Variants in WDFY4 observed in about 807,000 individuals in gnomAD.
WDFY4 encodes the protein WDFY family member 4, also known as WD repeat- and FYVE domain-containing protein 4.
A neutral mutation model predicts 351.9 loss-of-function variants in WDFY4; 169 were observed. The ratio of observed to expected loss-of-function variants is 0.48; its 90% CI spans 0.42 to 0.55. The LOEUF is 0.55. WDFY4 is among the 20% of genes least tolerant of loss of function. WDFY4 has a pLI of 0.00. For missense variants in WDFY4, 3,803 were observed against 3,935.6 expected (o/e 0.97, Z 0.90); for synonymous variants, 1,622 against 1,574.6 (o/e 1.03, Z -0.71).
chr10:48,715,547 C>G (rs2063879907), intron 2 of WDFY4, among the ~76,000 whole-genome samples: 6 of 152,190 alleles, frequency 3.9e-5, no homozygotes, highest in Admixed American at 3.9e-4. Context: ...CTTGTAAAAA[C>G]CAAGTGTGGA....
intron 39 of WDFY4, 37 bp downstream of exon 39, chr10:48,832,746 G>C: frequency 6.7e-7 from 1 of 1,491,252 alleles, no homozygotes; most frequent in Non-Finnish European, 9.0e-7. Flanking sequence ...AAAGTATCAG[G>C]CATTTGCTTC....
Position 48,896,589 on chromosome 10 carries a change from C to T in WDFY4, c.7317-865C>T, listed in dbSNP as rs552036045. Among the ~76,000 whole-genome samples, 28 of 151,988 alleles carry T rather than the reference C, an allele frequency of 1.8e-4. 1 individual carries two copies. The South Asian group carries it at 4.8e-3, about 26-fold the overall frequency. The stretch of plus-strand genomic sequence containing the variant: ...GCTGGGCAGCCTCTCAGGATGCAGG[C>T]GCTGTGCAGATGAGCTCTAGGTGCT... On this transcript the variant is annotated intron_variant, in intron 44 of 61. Coordinates refer to ENST00000325239, the MANE Select transcript of WDFY4 (RefSeq NM_001394531.1).
At chr10:48,759,190 T>TA (rs1482368903) in intron 12 of WDFY4, among the ~76,000 whole-genome samples, 1 of 152,182 alleles carries the variant, frequency 6.6e-6, no homozygotes, top group Non-Finnish European at 1.5e-5. Context: ...CTTCATGCAG[T>TA]AACTGGTTGT....
At position 48,966,636 on chromosome 10, in the gene WDFY4, C is replaced by G. The variant is rs993401916; in HGVS notation, c.8547C>G (p.Ser2849Arg). 4 of 1,551,724 alleles carry G rather than the reference C, an allele frequency of 2.6e-6. No homozygotes were observed. The African/African-American group carries it at 5.5e-5, about 21-fold the overall frequency. The change falls in exon 55 of 62, where the codon AGC becomes AGG. Residue 2849 changes from serine to arginine, a missense_variant. Coordinates refer to ENST00000325239, the MANE Select transcript of WDFY4 (RefSeq NM_001394531.1). The part of the protein sequence containing the change: ...LPGHPQPFFY[S>R]LQSLRPSQVT... Reference sequence around the variant, plus strand: ...GCCACCCACAGCCCTTTTTCTACAGCCTGCAGTCGCTGAGGCCCTCCCAGG... The same window carrying G: ...GCCACCCACAGCCCTTTTTCTACAGGCTGCAGTCGCTGAGGCCCTCCCAGG...
rs574381264 is a variant in WDFY4, at chr10:48,817,898, G to A, written c.5505+489G>A. Among the ~76,000 whole-genome samples, 74 of 152,358 alleles carry A rather than the reference G, an allele frequency of 4.9e-4. 1 individual carries two copies. The highest frequency in any genetic ancestry group is 1.7e-3 in the African/African-American group (71 of 41,584). On this transcript the variant is annotated intron_variant, in intron 32 of 61. Coordinates refer to ENST00000325239, the MANE Select transcript of WDFY4 (RefSeq NM_001394531.1). ...CCAGCTTAGAGCCAGACAAGCCAAG[G>A]GGAGGGCAGAGCCTGATTTAAGGAT...
rs146766751 is a variant in WDFY4, at chr10:48,785,408, T to C, written c.3577-1231T>C. Among the ~76,000 whole-genome samples the C allele has an allele frequency of 3.2e-3, 493 of 152,326 alleles. 2 individuals are homozygous for C. The highest frequency in any genetic ancestry group is 0.014 in the Middle Eastern group (4 of 294). ...ATGCTTTTGGTGTCGTTTGAGAATATTTTGCCTAGTCCTAGATCCTGAAGA... is the reference window on the plus strand; with the variant it reads ...ATGCTTTTGGTGTCGTTTGAGAATACTTTGCCTAGTCCTAGATCCTGAAGA... On this transcript the variant is annotated intron_variant, in intron 19 of 61. Coordinates refer to ENST00000325239, the MANE Select transcript of WDFY4 (RefSeq NM_001394531.1).
At position 48,835,390 on chromosome 10, in the gene WDFY4, G is replaced by A. The variant is rs192618047; in HGVS notation, c.6663+2681G>A. On this transcript the variant is annotated intron_variant, in intron 39 of 61. Transcript: ENST00000325239. ...AAGAACATGAGCTTTGAGATGCTCT[G>A]GGAAAGAGGATCAGGCAGAGAGGAC... 1.6e-4 allele frequency among the ~76,000 whole-genome samples: 25 copies of A among 152,254 alleles called. No individual in the cohort carries two copies. In the East Asian group the frequency reaches 3.7e-3, roughly 22 times the overall value.
intron 13 of WDFY4, among the ~76,000 whole-genome samples, chr10:48,767,319 C>A (rs751321854): frequency 1.4e-4 from 21 of 152,332 alleles, no homozygotes; most frequent in Middle Eastern, 3.4e-3. Flanking sequence ...ACATCAGAGG[C>A]TGGCTCCCCA....
Position 48,743,434 on chromosome 10 carries a change from G to T in WDFY4, c.2345G>T (p.Gly782Val). ...GCCAGCGGCACCCTCCACTTGCGTGGGGACCTGAAGGAGTCCCTGAGGACC... is the reference window on the plus strand; with the variant it reads ...GCCAGCGGCACCCTCCACTTGCGTGTGGACCTGAAGGAGTCCCTGAGGACC... ...SMASGTLHLR[G>V]DLKESLRTKQ... The change falls in exon 12 of 62, where the codon GGG becomes GTG. Residue 782 changes from glycine to valine, a missense_variant. Physicochemically the swap from Gly to Val is moderately radical, Grantham distance 109. Transcript: ENST00000325239. 6.4e-7 allele frequency: 1 copy of T among 1,551,064 alleles called. No individual in the cohort carries two copies. The highest frequency in any genetic ancestry group is 8.7e-7 in the Non-Finnish European group (1 of 1,146,986).
At chr10:48,717,146 T>C (rs1472002683) in intron 2 of WDFY4, among the ~76,000 whole-genome samples, 1 of 152,256 alleles carries the variant, frequency 6.6e-6, no homozygotes, top group Non-Finnish European at 1.5e-5. Context: ...TTAGTGGAGC[T>C]AATGTATGGA....
chr10:48,927,765 C>T (rs984342472), intron 47 of WDFY4, among the ~76,000 whole-genome samples: 1 of 152,200 alleles, frequency 6.6e-6, no homozygotes, highest in African/African-American at 2.4e-5. Context: ...CCCAAGAGGT[C>T]ACACGGCCCA....
At chr10:48,794,371 C>T (rs186128080) in intron 23 of WDFY4, among the ~76,000 whole-genome samples, 5 of 151,926 alleles carry the variant, frequency 3.3e-5, no homozygotes, top group African/African-American at 4.8e-5. Context: ...AGCAGGCCGC[C>T]GACAGGAAGG....
intron 51 of WDFY4, among the ~76,000 whole-genome samples, chr10:48,950,963 G>A (rs745831504): frequency 5.3e-5 from 8 of 152,210 alleles, no homozygotes; most frequent in East Asian, 1.9e-4. Flanking sequence ...CACCCAGTGC[G>A]GTCTGCTGGG....
At chr10:48,749,299 A>G (rs2065108254) in intron 12 of WDFY4, among the ~76,000 whole-genome samples, 1 of 152,214 alleles carries the variant, frequency 6.6e-6, no homozygotes, top group South Asian at 2.1e-4. Flanking sequence ...ACACCCCTAC[A>G]CCAAACACAC....
chr10:48,972,642 A>C (rs1842386777), intron 57 of WDFY4, among the ~76,000 whole-genome samples: 1 of 152,224 alleles, frequency 6.6e-6, no homozygotes, highest in South Asian at 2.1e-4. Context: ...TAACTATTTT[A>C]CATAGTGCTG....
At chr10:48,951,847 C>T (rs1210189818) in intron 51 of WDFY4, among the ~76,000 whole-genome samples, 1 of 152,098 alleles carries the variant, frequency 6.6e-6, no homozygotes, top group Admixed American at 6.5e-5. Flanking sequence ...ATCAGACCCA[C>T]CCGAGGTGGG....
chr10:48,865,044 C>T (rs2069493130), intron 39 of WDFY4, among the ~76,000 whole-genome samples: 1 of 152,006 alleles, frequency 6.6e-6, no homozygotes, highest in African/African-American at 2.4e-5. Flanking sequence ...ATTTGGATGC[C>T]TTTTATTTCT....
At chr10:48,729,613 G>T in intron 8 of WDFY4, 24 bp downstream of exon 8, 1 of 1,550,698 alleles carries the variant, frequency 6.4e-7, no homozygotes, top group South Asian at 1.2e-5. Context: ...GTGTCTGGGT[G>T]ACCGGAAGAG....
intron 22 of WDFY4, 123 bp downstream of exon 22, chr10:48,790,108 A>G (rs2066629800): frequency 2.1e-6 from 2 of 938,240 alleles, no homozygotes; most frequent in South Asian, 2.9e-5. Context: ...CAGGGTCGGG[A>G]GGACCAGAGT....
Sources: gnomAD v4.1 joint callset for allele counts (sites outside exome capture counted in the v4.1 genomes callset) on GRCh38, gnomAD v4.1.1 for gene constraint, MANE v1.5 for transcripts, NCBI Gene and HGNC (gene_info 2026-07-23, HGNC 2026-07-21) for gene names.